Variants in TMEM196 observed in about 807,000 individuals in gnomAD.
TMEM196 encodes the protein transmembrane protein 196.
A neutral mutation model predicts 20.0 loss-of-function variants in TMEM196; 17 were observed. That is an observed-to-expected ratio of 0.85 (90% CI 0.58 to 1.27). TMEM196 has a LOEUF of 1.27. Among genes scored for constraint, TMEM196 ranks in the 50% most tolerant of loss-of-function variants. The probability of loss-of-function intolerance (pLI) is 0.00; values close to 1 mark genes in which losing one functional copy is unlikely to be tolerated. For missense variants in TMEM196, 267 were observed against 223.0 expected (o/e 1.20, Z -1.26); for synonymous variants, 113 against 88.9 (o/e 1.27, Z -1.52).
intron 1 of TMEM196, among the ~76,000 whole-genome samples, chr7:19,755,381 T>A (rs972708256): frequency 1.3e-5 from 2 of 152,200 alleles, no homozygotes; most frequent in Non-Finnish European, 2.9e-5. Flanking sequence ...GAATGTTTGG[T>A]GATGAATAGA....
Position 19,721,971 on chromosome 7 carries a change from A to G in TMEM196, c.*157T>C. ...GGAAGAATAATTTTAGTGGATGCTC[A>G]GGAGAGATAAATGCAAATGCAAAAA... On this transcript the variant is annotated 3_prime_UTR_variant, in exon 5 of 5. Coordinates refer to ENST00000405844, the MANE Select transcript of TMEM196 (RefSeq NM_001363562.2). 8.6e-6 allele frequency: 8 copies of G among 933,954 alleles called. No homozygotes were observed. In the South Asian group the frequency reaches 1.2e-4, roughly 14 times the overall value. The allele number at this position is 933,954 out of a possible 1,614,324, so 57.9% of individuals were successfully genotyped here. A position where few individuals can be genotyped will look rare whatever the true frequency, so the allele number is the denominator to read the frequency against.
At chr7:19,725,143 G>A (rs1047141658) in intron 3 of TMEM196, among the ~76,000 whole-genome samples, 6 of 152,182 alleles carry the variant, frequency 3.9e-5, no homozygotes, top group Non-Finnish European at 5.9e-5. Flanking sequence ...ATAGAACAAG[G>A]GAAGAGCTAG....
chr7:19,722,713 G>A (rs920919988), intron 4 of TMEM196, among the ~76,000 whole-genome samples: 1 of 152,000 alleles, frequency 6.6e-6, no homozygotes. Context: ...GTTTTTAATG[G>A]ATCAATTACT....
At chr7:19,722,300 A>T (rs554239059) in intron 4 of TMEM196, among the ~76,000 whole-genome samples, 166 bp from the exon 5 acceptor site, 2 of 152,266 alleles carry the variant, frequency 1.3e-5, no homozygotes, top group East Asian at 3.9e-4. Context: ...ATTTCATGGC[A>T]TCTTGGAGCA....
intron 1 of TMEM196, among the ~76,000 whole-genome samples, chr7:19,764,895 G>A (rs189482951): frequency 9.9e-4 from 151 of 152,148 alleles, no homozygotes; most frequent in African/African-American, 3.4e-3. Flanking sequence ...TCAAGGGTGG[G>A]GAGCAAATAA....
chr7:19,728,460 C>T (rs1397264278), intron 2 of TMEM196, among the ~76,000 whole-genome samples: 1 of 152,028 alleles, frequency 6.6e-6, no homozygotes, highest in Non-Finnish European at 1.5e-5. Flanking sequence ...CTGTCTAAAG[C>T]AGTGAGGGCT....
rs71017071 is a variant in TMEM196, at chr7:19,736,353, C to CTATATATATA, written c.148-6925_148-6916dup. 4.7e-3 allele frequency among the ~76,000 whole-genome samples: 177 copies of CTATATATATA among 37,772 alleles called. 7 individuals are homozygous for CTATATATATA. The highest frequency in any genetic ancestry group is 9.0e-3 in the East Asian group (2 of 222). 24.8% of individuals were successfully genotyped at this position (37,772 alleles called of 152,430 possible). On this transcript the variant is annotated intron_variant, in intron 1 of 4. Transcript: ENST00000405844. ...GATCCCACTTTTCTAGTGGTTCCTA[C>CTATATATATA]TATATATATATATATATATATATAT...
intron 2 of TMEM196, among the ~76,000 whole-genome samples, chr7:19,728,935 C>T (rs1399291496): frequency 6.6e-6 from 1 of 152,194 alleles, no homozygotes; most frequent in African/African-American, 2.4e-5. Flanking sequence ...CATAGCAACA[C>T]AGCTGTCTTG....
At chr7:19,722,873 C>A (rs189732513) in intron 4 of TMEM196, among the ~76,000 whole-genome samples, 1 of 151,926 alleles carries the variant, frequency 6.6e-6, no homozygotes, top group African/African-American at 2.4e-5. Flanking sequence ...AAATATTAAA[C>A]CCTTCCCAAC....
chr7:19,757,227 G>A lies in TMEM196; in HGVS notation c.147+15323C>T, dbSNP rs573833482. ...CTCAGTTTGTCACCCAGGCTGGAGT[G>A]CAGTGGCGCAATCTTGGCTCACTGC... On this transcript the variant is annotated intron_variant, in intron 1 of 4. Transcript: ENST00000405844. Among the ~76,000 whole-genome samples the A allele has an allele frequency of 4.7e-5, 7 of 147,402 alleles. No homozygotes were observed. The South Asian group carries it at 1.5e-3, about 32-fold the overall frequency.
Position 19,725,527 on chromosome 7 carries a change from T to G in TMEM196, c.446A>C (p.Glu149Ala). 2 of 1,608,378 alleles carry G rather than the reference T, an allele frequency of 1.2e-6. No homozygotes were observed. Among genetic ancestry groups the G allele is most frequent in the Admixed American group, 1.7e-5 (1 of 59,914 alleles). Residue 149 changes from glutamate to alanine, a missense_variant, in exon 3 of 5, where the codon GAA becomes GCA. Glu to Ala is a moderately radical substitution (Grantham distance 107, BLOSUM62 -1). Coordinates refer to ENST00000405844, the MANE Select transcript of TMEM196 (RefSeq NM_001363562.2). ...TACAAAACTCACTTTCTCAGCCATT[T>G]CATGAGAGTGATGCAGGGAATGCTC... ...EREHSLHHSH[E>A]MAEKRLRAIE...
At position 19,721,961 on chromosome 7, in the gene TMEM196, G is replaced by A; in HGVS notation, c.*167C>T. 1 of 848,926 alleles carries A rather than the reference G, an allele frequency of 1.2e-6. No individual in the cohort carries two copies. The highest frequency in any genetic ancestry group is 1.8e-6 in the Non-Finnish European group (1 of 549,016). 52.6% of individuals were successfully genotyped at this position (848,926 alleles called of 1,614,324 possible). On this transcript the variant is annotated 3_prime_UTR_variant, in exon 5 of 5. Coordinates refer to ENST00000405844, the MANE Select transcript of TMEM196 (RefSeq NM_001363562.2). ...ATATTTTTTAGGAAGAATAATTTTA[G>A]TGGATGCTCAGGAGAGATAAATGCA...
Position 19,721,903 on chromosome 7 carries a change from C to T in TMEM196, c.*225G>A, listed in dbSNP as rs1393339436. The stretch of plus-strand genomic sequence containing the variant: ...AATGTTTCTGGAAAGTTTTTTACCC[C>T]ATAAAAAAGGGTGGAGAAACCAGTG... On this transcript the variant is annotated 3_prime_UTR_variant, in exon 5 of 5. Transcript: ENST00000405844. The T allele has an allele frequency of 1.7e-6, 1 of 578,840 alleles. No individual in the cohort carries two copies. The highest frequency in any genetic ancestry group is 2.9e-6 in the Non-Finnish European group (1 of 340,734). The allele number at this position is 578,840 out of a possible 1,614,324, so 35.9% of individuals were successfully genotyped here.
At chr7:19,771,407 T>A (rs2128042051) in intron 1 of TMEM196, among the ~76,000 whole-genome samples, 1 of 152,266 alleles carries the variant, frequency 6.6e-6, no homozygotes, top group Admixed American at 6.5e-5. Flanking sequence ...AATCTAATTA[T>A]CCAAAGCAAA....
intron 1 of TMEM196, 94 bp from the exon 2 acceptor site, chr7:19,729,532 G>A (rs1176363961): frequency 8.8e-7 from 1 of 1,138,266 alleles, no homozygotes; most frequent in Non-Finnish European, 1.2e-6. Flanking sequence ...TTTCTCCAGG[G>A]AAGATAGAAC....
chr7:19,749,171 T>C (rs1190119454), intron 1 of TMEM196, among the ~76,000 whole-genome samples: 2 of 152,238 alleles, frequency 1.3e-5, no homozygotes, highest in Non-Finnish European at 2.9e-5. Context: ...AGGCCATTGG[T>C]CTATGGCTTT....
rs1176363961 is a variant in TMEM196, at chr7:19,729,532, G to T, written c.148-94C>A. 6.1e-6 allele frequency: 7 copies of T among 1,138,266 alleles called. No individual in the cohort carries two copies. In the African/African-American group the frequency reaches 7.9e-5, roughly 13 times the overall value. The allele number at this position is 1,138,266 out of a possible 1,614,324, so 70.5% of individuals were successfully genotyped here. On this transcript the variant is annotated intron_variant, in intron 1 of 4. Transcript: ENST00000405844. The stretch of plus-strand genomic sequence containing the variant: ...GTTCACTCATGACACTTTCTCCAGG[G>T]AAGATAGAACATTTTAAATTTCCTT...
Position 19,724,306 on chromosome 7 carries a change from C to T in TMEM196, c.507G>A (p.Val169=). ...TTGTAGGTAACTCTGGTGTCGGGGGCACCACCGGGCAGCTGGGCAAGTCGG... is the reference window on the plus strand; with the variant it reads ...TTGTAGGTAACTCTGGTGTCGGGGGTACCACCGGGCAGCTGGGCAAGTCGG... ...EITDLPSCPV[V]PPTPELPTRK The change falls in exon 4 of 5, where the codon GTG becomes GTA. Residue 169 remains valine (V), a synonymous_variant. Coordinates refer to ENST00000405844, the MANE Select transcript of TMEM196 (RefSeq NM_001363562.2). 1 of 1,550,320 alleles carries T rather than the reference C, an allele frequency of 6.5e-7. No individual in the cohort carries two copies. The highest frequency in any genetic ancestry group is 8.7e-7 in the Non-Finnish European group (1 of 1,146,852).
chr7:19,747,779 AG>A (rs1481144153), intron 1 of TMEM196, among the ~76,000 whole-genome samples: 2 of 152,252 alleles, frequency 1.3e-5, no homozygotes, highest in African/African-American at 4.8e-5. Context: ...GTGTGGTAAC[AG>A]AAACCAAAGA....
Sources: gnomAD v4.1 joint callset for allele counts (sites outside exome capture counted in the v4.1 genomes callset) on GRCh38, gnomAD v4.1.1 for gene constraint, MANE v1.5 for transcripts, NCBI Gene and HGNC (gene_info 2026-07-23, HGNC 2026-07-21) for gene names.